Variants in DIPK2B observed in about 807,000 individuals in gnomAD.
DIPK2B encodes the protein UPF0672 protein CXorf36.
Under a neutral mutation model 22.2 loss-of-function variants are expected in DIPK2B, and 15 were observed. The observed-to-expected ratio is 0.68, with a 90% CI of 0.45 to 1.04. DIPK2B has a LOEUF of 1.04. Ranked by LOEUF, DIPK2B falls within the 50% of genes least tolerant of loss-of-function variation. The pLI is 0.00. For missense variants in DIPK2B, 345 were observed against 348.3 expected (o/e 0.99, Z 0.08); for synonymous variants, 163 against 153.2 (o/e 1.06, Z -0.47).
At chrX:45,166,486 G>A (rs1212462723) in intron 2 of DIPK2B, among the ~76,000 whole-genome samples, 1 of 110,991 alleles carries the variant, frequency 9.0e-6, no homozygotes, top group Admixed American at 9.6e-5. Flanking sequence ...TAAGAGGGGG[G>A]ATGACAGTGT....
At chrX:45,172,171 G>A (rs757689799) in intron 2 of DIPK2B, among the ~76,000 whole-genome samples, 3 of 112,179 alleles carry the variant, frequency 2.7e-5, no homozygotes, top group African/African-American at 6.5e-5. Context: ...CTTACCAGGA[G>A]GGCTGGATGG....
At position 45,200,672 on chromosome X, in the gene DIPK2B, C is replaced by A. The variant is rs1253218157; in HGVS notation, c.155G>T (p.Arg52Met). 8.2e-7 allele frequency: 1 copy of A among 1,212,472 alleles called. No homozygotes were observed. The highest frequency in any genetic ancestry group is 2.2e-5 in the Admixed American group (1 of 46,167). Residue 52 changes from arginine (R) to methionine (M), a missense_variant, in exon 1 of 5, where the codon AGG (arginine) becomes ATG (methionine). Arg to Met is a moderately conservative substitution (Grantham distance 91, BLOSUM62 -1). Coordinates refer to ENST00000398000, the MANE Select transcript of DIPK2B (RefSeq NM_176819.4). ...GCATTTATCAAGACCGAGGAAAGTC[C>A]TTCCAAAATTGTAGCTGGTTCTGAC... ...PQVRTSYNFG[R>M]TFLGLDKCNA...
At position 45,157,725 on chromosome X, in the gene DIPK2B, A is replaced by G. The variant is rs1436929077; in HGVS notation, c.662T>C (p.Ile221Thr). 8.4e-7 allele frequency: 1 copy of G among 1,193,214 alleles called. No individual in the cohort carries two copies. The highest frequency in any genetic ancestry group is 2.3e-5 in the Admixed American group (1 of 43,926). Residue 221 changes from isoleucine (I) to threonine (T), a missense_variant, in exon 3 of 5, where the codon ATC becomes ACC. Ile to Thr is a moderately conservative substitution (Grantham distance 89). Transcript: ENST00000398000. ...LYTLAVNSHPILLQIFPGAEG... is the reference protein window; with the variant it reads ...LYTLAVNSHPTLLQIFPGAEG... ...CAGGTCGCTGCATACCTGTAGGAGG[A>G]TGGGGTGCGAGTTGACAGCCAGCGT... is the stretch of plus-strand genomic sequence containing the variant.
chrX:45,176,988 G>T (rs1196060805), intron 2 of DIPK2B, among the ~76,000 whole-genome samples: 1 of 111,548 alleles, frequency 9.0e-6, no homozygotes, highest in African/African-American at 3.3e-5. Context: ...GATATGGTTT[G>T]GATATCTGTC....
At position 45,189,920 on chromosome X, in the gene DIPK2B, A is replaced by G. The variant is rs185909150; in HGVS notation, c.498+1831T>C. The stretch of plus-strand genomic sequence containing the variant: ...GGTGGGTTAGGGGAGGGCCAAAGTA[A>G]AGTAAAAATTTTTCTGGTTTTGGCT... On this transcript the variant is annotated intron_variant, in intron 2 of 4. Transcript: ENST00000398000. 1.9e-3 allele frequency among the ~76,000 whole-genome samples: 218 copies of G among 112,092 alleles called. 1 individual carries two copies. Among genetic ancestry groups the G allele is most frequent in the African/African-American group, 6.8e-3 (209 of 30,850 alleles).
At chrX:45,183,973 A>T (rs2047168172) in intron 2 of DIPK2B, among the ~76,000 whole-genome samples, 1 of 112,120 alleles carries the variant, frequency 8.9e-6, no homozygotes, top group Non-Finnish European at 1.9e-5. Context: ...TAAGTATCAG[A>T]AACAAGTTGA....
intron 2 of DIPK2B, among the ~76,000 whole-genome samples, chrX:45,187,106 T>C (rs1476184289): frequency 8.9e-6 from 1 of 112,160 alleles, no homozygotes; most frequent in Non-Finnish European, 1.9e-5. Context: ...GGAAAGGCTC[T>C]GCGGCCATCT....
In DIPK2B at chrX:45,162,370, C is replaced by A. The variant is rs1375831290; in HGVS notation, c.499-4482G>T. The A allele has an allele frequency of 4.0e-6, 3 of 751,551 alleles. No individual in the cohort carries two copies. The East Asian group carries it at 4.5e-4, about 114-fold the overall frequency. 61.9% of individuals were successfully genotyped at this position (751,551 alleles called of 1,213,427 possible). ...CAACAATAGATAACTGCTATATTTG[C>A]TGAGAAGGTTCTGAGCAACCTCTAT... On this transcript the variant is annotated intron_variant, in intron 2 of 4. Coordinates refer to ENST00000398000, the MANE Select transcript of DIPK2B (RefSeq NM_176819.4).
Position 45,175,695 on chromosome X carries a change from A to G in DIPK2B, c.498+16056T>C, listed in dbSNP as rs2047113988. Among the ~76,000 whole-genome samples, 3 of 101,827 alleles carry G rather than the reference A, an allele frequency of 2.9e-5. No homozygotes were observed. In the Admixed American group the frequency reaches 3.2e-4, roughly 11 times the overall value. The allele number at this position is 101,827 out of a possible 115,157, so 88.4% of individuals were successfully genotyped here. ...CTCATTGTAAAAATGTATAAAGTAT[A>G]CATACATATATGTGTGTATATGTAC... On this transcript the variant is annotated intron_variant, in intron 2 of 4. Coordinates refer to ENST00000398000, the MANE Select transcript of DIPK2B (RefSeq NM_176819.4).
intron 3 of DIPK2B, 69 bp from the exon 4 acceptor site, chrX:45,154,267 C>G: frequency 4.4e-6 from 4 of 917,375 alleles, no homozygotes; most frequent in Non-Finnish European, 4.4e-6. Context: ...TCTATTATCT[C>G]TATCTATCTC....
intron 1 of DIPK2B, among the ~76,000 whole-genome samples, chrX:45,194,167 A>T (rs1343974718): frequency 1.8e-5 from 2 of 111,725 alleles, no homozygotes; most frequent in East Asian, 5.6e-4. Context: ...TCACATGACC[A>T]AGAATTGGAG....
chrX:45,161,256 T>C (rs982152384), intron 2 of DIPK2B, among the ~76,000 whole-genome samples: 1 of 112,236 alleles, frequency 8.9e-6, no homozygotes, highest in Non-Finnish European at 1.9e-5. Context: ...AAAAAGTGTA[T>C]TTTGGCCAGG....
At chrX:45,187,514 G>A (rs1316183016) in intron 2 of DIPK2B, among the ~76,000 whole-genome samples, 1 of 105,323 alleles carries the variant, frequency 9.5e-6, no homozygotes, top group Non-Finnish European at 2.0e-5. Flanking sequence ...ACACTGCATC[G>A]TTTCACTTTC....
chrX:45,153,474 TTGTGTGTGTGTG>T (rs34281975), intron 4 of DIPK2B, among the ~76,000 whole-genome samples: 44 of 73,862 alleles, frequency 6.0e-4, no homozygotes, highest in Admixed American at 1.1e-3. Context: ...CCCAAAAGTT[TTGTGTGTGTGTG>T]TGTGTGTGTG....
At chrX:45,185,307 A>C (rs185889994) in intron 2 of DIPK2B, among the ~76,000 whole-genome samples, 1 of 112,260 alleles carries the variant, frequency 8.9e-6, no homozygotes, top group African/African-American at 3.2e-5. Flanking sequence ...GTACATCAGG[A>C]TAGAGGTAAT....
intron 2 of DIPK2B, among the ~76,000 whole-genome samples, chrX:45,175,835 G>A (rs2047115119): frequency 9.3e-6 from 1 of 107,125 alleles, no homozygotes; most frequent in Admixed American, 1.0e-4. Context: ...AAAGGGAAAC[G>A]ATCCATTTTT....
At chrX:45,170,765 C>T (rs1045856148) in intron 2 of DIPK2B, among the ~76,000 whole-genome samples, 14 of 112,460 alleles carry the variant, frequency 1.2e-4, no homozygotes, top group African/African-American at 4.2e-4. Context: ...AGTGACACAC[C>T]CATGTGTTAT....
chrX:45,200,125 G>A (rs916756010), intron 1 of DIPK2B, among the ~76,000 whole-genome samples: 1 of 111,391 alleles, frequency 9.0e-6, no homozygotes, highest in African/African-American at 3.3e-5. Context: ...CATATATATA[G>A]TGAAATGGGT....
chrX:45,191,573 A>G lies in DIPK2B; in HGVS notation c.498+178T>C, dbSNP rs2047210761. ...GACAGTGGGATGGAACCTTATAAGT[A>G]AACCTTGTTTAGTTCCTGTCTTACC... On this transcript the variant is annotated intron_variant, in intron 2 of 4. Transcript: ENST00000398000. 4 of 519,403 alleles carry G rather than the reference A, an allele frequency of 7.7e-6. No individual in the cohort carries two copies. In the South Asian group the frequency reaches 1.4e-4, roughly 18 times the overall value. The allele number at this position is 519,403 out of a possible 1,213,427, so 42.8% of individuals were successfully genotyped here.
Sources: gnomAD v4.1 joint callset for allele counts (sites outside exome capture counted in the v4.1 genomes callset) on GRCh38, gnomAD v4.1.1 for gene constraint, MANE v1.5 for transcripts, NCBI Gene and HGNC (gene_info 2026-07-23, HGNC 2026-07-21) for gene names.